RABEP1: variants seen among roughly 807,000 people sequenced by gnomAD.
RABEP1 encodes rabaptin, RAB GTPase binding effector protein 1, also known as rab GTPase-binding effector protein 1.
A neutral mutation model predicts 123.4 loss-of-function variants in RABEP1; 51 were observed. That is an observed-to-expected ratio of 0.41 (90% CI 0.33 to 0.52). RABEP1 has a LOEUF of 0.52. RABEP1 is among the 20% of genes least tolerant of loss of function. The pLI is 0.16. For missense variants in RABEP1, 888 were observed against 996.3 expected (o/e 0.89, Z 1.46); for synonymous variants, 347 against 355.2 (o/e 0.98, Z 0.26).
At position 5,361,485 on chromosome 17, in the gene RABEP1, G is replaced by C. The variant is rs1013648663; in HGVS notation, c.1373G>C (p.Gly458Ala). ...VSENFDTASL[G>A]SLQMPSGFML... ...GAGAACTTTGATACTGCATCCCTTG[G>C]GTCACTCCAGATGCCAAGTGGGTTT... The change falls in exon 9 of 18, where the codon GGG becomes GCG. Residue 458 changes from glycine (G) to alanine (A), a missense_variant. Transcript: ENST00000537505. The C allele has an allele frequency of 6.2e-7, 1 of 1,614,072 alleles. No homozygotes were observed. The highest frequency in any genetic ancestry group is 8.5e-7 in the Non-Finnish European group (1 of 1,180,012).
rs1182303669 is a variant in RABEP1 at position 5,361,326 on chromosome 17, C to T, written c.1214C>T (p.Ala405Val). 1 of 1,614,122 alleles carries T rather than the reference C, an allele frequency of 6.2e-7. No homozygotes were observed. The highest frequency in any genetic ancestry group is 1.3e-5 in the African/African-American group (1 of 75,016). ...ATGTTTAAAGATGGACTCAGGAGAG[C>T]ACAGTCTACAGACAGCTTGGGAACC... ...NDMFKDGLRR[A>V]QSTDSLGTSG... The change falls in exon 9 of 18, where the codon GCA becomes GTA. Residue 405 changes from alanine (A) to valine (V), a missense_variant. By Grantham distance (64) the Ala-to-Val change is moderately conservative (BLOSUM62 0). Coordinates refer to ENST00000537505, the MANE Select transcript of RABEP1 (RefSeq NM_004703.6).
At chr17:5,287,983 T>C (rs73337208) in intron 1 of RABEP1, among the ~76,000 whole-genome samples, 18,215 of 152,006 alleles carry the variant, frequency 0.12, 1,454 homozygotes, top group African/African-American at 0.22. Context: ...AAAAAAGATG[T>C]TGAAGCTTGG....
At chr17:5,313,180 T>TC (rs2075261988) in intron 2 of RABEP1, among the ~76,000 whole-genome samples, 1 of 152,192 alleles carries the variant, frequency 6.6e-6, no homozygotes, top group African/African-American at 2.4e-5. Context: ...TAAAATTTGT[T>TC]CATGTTTTTG....
intron 4 of RABEP1, among the ~76,000 whole-genome samples, chr17:5,335,615 C>T (rs1906999765): frequency 6.6e-6 from 1 of 152,198 alleles, no homozygotes; most frequent in Non-Finnish European, 1.5e-5. Flanking sequence ...CCCTCTGCCA[C>T]CTGTCACTAC....
At chr17:5,334,766 A>G (rs1054752524) in intron 3 of RABEP1, among the ~76,000 whole-genome samples, 2 of 152,196 alleles carry the variant, frequency 1.3e-5, no homozygotes, top group African/African-American at 4.8e-5. Flanking sequence ...TATTCCAGAA[A>G]TATATCCCTT....
intron 5 of RABEP1, among the ~76,000 whole-genome samples, chr17:5,339,366 A>C (rs566673415): frequency 6.6e-6 from 1 of 152,130 alleles, no homozygotes; most frequent in Non-Finnish European, 1.5e-5. Context: ...AATATTAGCC[A>C]GTTATAGTGG....
At chr17:5,282,666 TGCGGCGCGCGAGG>T (rs1288772812) in intron 1 of RABEP1, 146 bp downstream of exon 1, 2 of 405,494 alleles carry the variant, frequency 4.9e-6, no homozygotes, top group Non-Finnish European at 3.3e-6. Context: ...GCGCGCGGGC[TGCGGCGCGCGAGG>T]GCGGCGCGGG....
At chr17:5,346,195 C>T (rs950479956) in intron 5 of RABEP1, among the ~76,000 whole-genome samples, 3 of 152,180 alleles carry the variant, frequency 2.0e-5, no homozygotes, top group Non-Finnish European at 2.9e-5. Context: ...TGAGCCACCA[C>T]ACCTGGGCAA....
At chr17:5,365,719 T>A (rs1010874993) in intron 11 of RABEP1, among the ~76,000 whole-genome samples, 7 of 152,196 alleles carry the variant, frequency 4.6e-5, no homozygotes, top group African/African-American at 1.7e-4. Flanking sequence ...AGGCAGCCAC[T>A]GTCCTAACTT....
intron 1 of RABEP1, among the ~76,000 whole-genome samples, chr17:5,300,653 CT>C (rs1353400209): frequency 2.0e-5 from 3 of 152,146 alleles, no homozygotes; most frequent in African/African-American, 4.8e-5. Flanking sequence ...CCCTCTAACT[CT>C]TGTTAATTCC....
chr17:5,299,562 G>T (rs1267442519), intron 1 of RABEP1, among the ~76,000 whole-genome samples: 4 of 145,450 alleles, frequency 2.8e-5, no homozygotes, highest in Non-Finnish European at 6.0e-5. Flanking sequence ...AGTTAGTTTT[G>T]TTTGCCCTTA....
Position 5,385,171 on chromosome 17 carries a change from CTTAAGTTTTGT to C in RABEP1, c.*1952_*1962del. On this transcript the variant is annotated 3_prime_UTR_variant, in exon 18 of 18. Coordinates refer to ENST00000537505, the MANE Select transcript of RABEP1 (RefSeq NM_004703.6). ...TTGTAGAAAAACCCAAACTGAGACT[CTTAAGTTTTGT>C]TTAGCAATGTGTTTCTGGTATGAAA... 1 of 229,940 alleles carries C rather than the reference CTTAAGTTTTGT, an allele frequency of 4.3e-6. No individual in the cohort carries two copies. The highest frequency in any genetic ancestry group is 1.8e-4 in the South Asian group (1 of 5,500). The allele number at this position is 229,940 out of a possible 1,614,324, so 14.2% of individuals were successfully genotyped here.
intron 7 of RABEP1, 83 bp from the exon 8 acceptor site, chr17:5,354,276 T>G: frequency 7.7e-7 from 1 of 1,305,968 alleles, no homozygotes; most frequent in Non-Finnish European, 1.0e-6. Context: ...CTCTGTTCTT[T>G]ATTTGTTTTG....
Position 5,385,956 on chromosome 17 carries a change from G to A in RABEP1, c.*2733G>A. ...ACTCAATAGGGTTCAGGGAGGTTCTGGCAGTGTGCAGTGTGAAATAATCCT... is the reference window on the plus strand; with the variant it reads ...ACTCAATAGGGTTCAGGGAGGTTCTAGCAGTGTGCAGTGTGAAATAATCCT... On this transcript the variant is annotated 3_prime_UTR_variant, in exon 18 of 18. Coordinates refer to ENST00000537505, the MANE Select transcript of RABEP1 (RefSeq NM_004703.6). 2.3e-6 allele frequency: 1 copy of A among 437,744 alleles called. No individual in the cohort carries two copies. Among genetic ancestry groups the A allele is most frequent in the Non-Finnish European group, 4.0e-6 (1 of 249,504 alleles). 27.1% of individuals were successfully genotyped at this position (437,744 alleles called of 1,614,324 possible).
intron 2 of RABEP1, among the ~76,000 whole-genome samples, chr17:5,309,513 C>T (rs2075214502): frequency 6.6e-6 from 1 of 151,952 alleles, no homozygotes; most frequent in South Asian, 2.1e-4. Flanking sequence ...ATTAGCTGGG[C>T]ATGGTGGCGC....
chr17:5,319,258 G>A (rs1731016993), intron 2 of RABEP1, among the ~76,000 whole-genome samples: 1 of 148,038 alleles, frequency 6.8e-6, no homozygotes, highest in Non-Finnish European at 1.5e-5. Flanking sequence ...CGAGCCCAGA[G>A]GCAGAGATTG....
At chr17:5,355,640 T>C (rs2144660068) in intron 8 of RABEP1, among the ~76,000 whole-genome samples, 1 of 152,324 alleles carries the variant, frequency 6.6e-6, no homozygotes, top group African/African-American at 2.4e-5. Flanking sequence ...GATACAGGTC[T>C]TGTCTTTACT....
intron 11 of RABEP1, among the ~76,000 whole-genome samples, chr17:5,365,561 G>A (rs1467443797): frequency 6.6e-6 from 1 of 151,566 alleles, no homozygotes; most frequent in Non-Finnish European, 1.5e-5. Flanking sequence ...TAAAAGTATA[G>A]CAACATGAAA....
At chr17:5,346,993 AAC>A in intron 6 of RABEP1, 68 bp downstream of exon 6, 1 of 1,231,700 alleles carries the variant, frequency 8.1e-7, no homozygotes, top group Non-Finnish European at 1.1e-6. Context: ...GTTGACTAAT[AAC>A]AGTGACAAAT....
Sources: gnomAD v4.1 joint callset for allele counts (sites outside exome capture counted in the v4.1 genomes callset) on GRCh38, gnomAD v4.1.1 for gene constraint, MANE v1.5 for transcripts, NCBI Gene and HGNC (gene_info 2026-07-23, HGNC 2026-07-21) for gene names.